Variants in WNT7B observed in about 807,000 individuals in gnomAD.
WNT7B encodes the protein Wnt family member 7B.
A neutral mutation model predicts 38.2 loss-of-function variants in WNT7B; 19 were observed. The ratio of observed to expected loss-of-function variants is 0.50; its 90% CI spans 0.35 to 0.73. The LOEUF is 0.73. WNT7B is among the 30% of genes least tolerant of loss of function. The pLI is 0.01. For synonymous variants in WNT7B, 243 were observed against 209.3 expected (o/e 1.16, Z -1.39); for missense variants, 423 against 507.9 (o/e 0.83, Z 1.61).
At chr22:45,931,528 G>A (rs1174953967) in intron 2 of WNT7B, among the ~76,000 whole-genome samples, 159 bp from the exon 3 acceptor site, 1 of 152,204 alleles carries the variant, frequency 6.6e-6, no homozygotes, top group Non-Finnish European at 1.5e-5. Flanking sequence ...CCAAAGCGGG[G>A]CTGATGGGAG....
chr22:45,967,617 G>A (rs1932341128), intron 1 of WNT7B, among the ~76,000 whole-genome samples: 2 of 151,896 alleles, frequency 1.3e-5, no homozygotes, highest in African/African-American at 4.8e-5. Context: ...TCCGAGAACA[G>A]AGCCTTGGTC....
rs1247522954 is a variant in WNT7B at position 45,923,055 on chromosome 22, G to A, written c.851C>T (p.Thr284Met). Residue 284 changes from threonine to methionine, a missense_variant, in exon 4 of 4, where the codon ACG becomes ATG. This residue lies in a region of WNT7B where 158 missense variants were observed against 214.7 expected (regional missense o/e 0.74). Transcript: ENST00000339464. ...ACGGCCCTGCGTGCCCACGCTGCCC[G>A]TGGCCGCGTCCTCCTCGCAGTAGTT... ...SPNYCEEDAA[T>M]GSVGTQGRLC... 5 of 1,612,872 alleles carry A rather than the reference G, an allele frequency of 3.1e-6. No homozygotes were observed. Among genetic ancestry groups the A allele is most frequent in the South Asian group, 1.1e-5 (1 of 91,070 alleles).
intron 1 of WNT7B, among the ~76,000 whole-genome samples, chr22:45,956,328 G>A (rs1932060352): frequency 6.6e-6 from 1 of 152,224 alleles, no homozygotes; most frequent in Admixed American, 6.5e-5. Context: ...TGCAGTGACA[G>A]CCCTCATTAT....
chr22:45,937,105 G>GGGAA (rs1427971048), intron 2 of WNT7B, among the ~76,000 whole-genome samples: 1 of 152,208 alleles, frequency 6.6e-6, no homozygotes, highest in Non-Finnish European at 1.5e-5. Flanking sequence ...CCTCAGTGCT[G>GGGAA]GGAAGGCCCT....
In WNT7B at chr22:45,975,544, C is replaced by A; in HGVS notation, c.71+1140G>T. 1 of 716,994 alleles carries A rather than the reference C, an allele frequency of 1.4e-6. No homozygotes were observed. Among genetic ancestry groups the A allele is most frequent in the South Asian group, 1.5e-5 (1 of 67,534 alleles). The allele number at this position is 716,994 out of a possible 1,614,324, so 44.4% of individuals were successfully genotyped here. A position where few individuals can be genotyped will look rare whatever the true frequency, so the allele number is the denominator to read the frequency against. On this transcript the variant is annotated intron_variant, in intron 1 of 3. Coordinates refer to ENST00000339464, the MANE Select transcript of WNT7B (RefSeq NM_058238.3). The surrounding 1 kb of genome is among the most constrained non-coding windows in gnomAD (Gnocchi z 6.6). ...CAGGCCTTGGGCCTCAGTTTCTCCA[C>A]CTGTAAAATGGCGGGGCAGACATGG...
At position 45,951,181 on chromosome 22, in the gene WNT7B, C is replaced by T. The variant is rs1931924617; in HGVS notation, c.72-1035G>A. ...CAACCTCCACATTCCGGGTTCAAGC[C>T]ATCCTTTTGCCTTAGCCTCCCGAGT... On this transcript the variant is annotated intron_variant, in intron 1 of 3. Coordinates refer to ENST00000339464, the MANE Select transcript of WNT7B (RefSeq NM_058238.3). The surrounding 1 kb of genome is among the most constrained non-coding windows in gnomAD (Gnocchi z 4.8). Among the ~76,000 whole-genome samples, 1 of 152,164 alleles carries T rather than the reference C, an allele frequency of 6.6e-6. No homozygotes were observed.
intron 3 of WNT7B, chr22:45,926,604 C>T (rs1205435230): frequency 3.0e-6 from 3 of 985,276 alleles, no homozygotes; most frequent in Non-Finnish European, 3.6e-6. Flanking sequence ...ACAGAAGGCA[C>T]CTCACCCTGG....
intron 1 of WNT7B, among the ~76,000 whole-genome samples, chr22:45,971,365 G>C (rs945868426): frequency 6.6e-6 from 1 of 152,218 alleles, no homozygotes; most frequent in Non-Finnish European, 1.5e-5. Context: ...TCAGAGGCCA[G>C]AGCATATGCG....
intron 3 of WNT7B, among the ~76,000 whole-genome samples, chr22:45,930,200 G>A (rs1459226111): frequency 1.3e-5 from 2 of 152,232 alleles, no homozygotes; most frequent in Non-Finnish European, 2.9e-5. Context: ...CACAGCCAGG[G>A]CCCTGATTCC....
chr22:45,926,105 C>T (rs375046373), intron 3 of WNT7B: 62 of 985,328 alleles, frequency 6.3e-5, no homozygotes, highest in Admixed American at 6.1e-5. Context: ...CCTACTGGGC[C>T]GCTGCTTGCA....
rs34329899 is a variant in WNT7B, at chr22:45,957,104, CA to C, written c.72-6959del. ...CTGGTGACAGAGCGAGACTCTGTCT[CA>C]AAAAAAAAAAAAAAAAAAAATCCCC... On this transcript the variant is annotated intron_variant, in intron 1 of 3. Coordinates refer to ENST00000339464, the MANE Select transcript of WNT7B (RefSeq NM_058238.3). Among the ~76,000 whole-genome samples the C allele has an allele frequency of 5.7e-3, 459 of 80,684 alleles. 2 individuals carry two copies. The highest frequency in any genetic ancestry group is 0.014 in the African/African-American group (327 of 22,976). The allele number at this position is 80,684 out of a possible 152,430, so 52.9% of individuals were successfully genotyped here. A position where few individuals can be genotyped will look rare whatever the true frequency, so the allele number is the denominator to read the frequency against.
At chr22:45,970,100 C>T (rs1396691702) in intron 1 of WNT7B, among the ~76,000 whole-genome samples, 1 of 152,202 alleles carries the variant, frequency 6.6e-6, no homozygotes, top group African/African-American at 2.4e-5. Flanking sequence ...ACAAACCGGG[C>T]AAGGGAAATC....
intron 1 of WNT7B, among the ~76,000 whole-genome samples, chr22:45,963,841 G>A (rs1413106284): frequency 6.6e-6 from 1 of 152,126 alleles, no homozygotes; most frequent in African/African-American, 2.4e-5. Context: ...CCAAAGCAGG[G>A]GACTCCCGCA....
Position 45,965,729 on chromosome 22 carries a change from A to G in WNT7B, c.71+10955T>C, listed in dbSNP as rs2146749518. Among the ~76,000 whole-genome samples the G allele has an allele frequency of 6.6e-6, 1 of 152,328 alleles. No homozygotes were observed. Among genetic ancestry groups the G allele is most frequent in the South Asian group, 2.1e-4 (1 of 4,832 alleles). The stretch of plus-strand genomic sequence containing the variant: ...AGGCCTCTGGGCTTCCCATACCCGC[A>G]GGACAGCTGCACCTCTGGTCCCAAA... On this transcript the variant is annotated intron_variant, in intron 1 of 3. Transcript: ENST00000339464. The surrounding 1 kb of genome is among the most constrained non-coding windows in gnomAD (Gnocchi z 6.5).
chr22:45,946,498 C>G (rs972639895), intron 2 of WNT7B, among the ~76,000 whole-genome samples: 2 of 152,208 alleles, frequency 1.3e-5, no homozygotes, highest in African/African-American at 4.8e-5. Flanking sequence ...CCCACCGTGG[C>G]AGAACACTGC....
rs192284730 is a variant in WNT7B, at chr22:45,963,325, C to T, written c.72-13179G>A. On this transcript the variant is annotated intron_variant, in intron 1 of 3. Coordinates refer to ENST00000339464, the MANE Select transcript of WNT7B (RefSeq NM_058238.3). Reference sequence around the variant, plus strand: ...CCTCCAAGAATTCCTAGGCCGCCACCGCCTCCTAGCCAACTGCTCAGCTTG... The same window carrying T: ...CCTCCAAGAATTCCTAGGCCGCCACTGCCTCCTAGCCAACTGCTCAGCTTG... Among the ~76,000 whole-genome samples the T allele has an allele frequency of 5.3e-5, 8 of 152,294 alleles. No individual in the cohort carries two copies. In the South Asian group the frequency reaches 6.2e-4, roughly 12 times the overall value.
At chr22:45,929,900 CTAT>C (rs1176607917) in intron 3 of WNT7B, among the ~76,000 whole-genome samples, 1 of 149,868 alleles carries the variant, frequency 6.7e-6, no homozygotes, top group Non-Finnish European at 1.5e-5. Flanking sequence ...ATCCACTCAT[CTAT>C]CTACCCATCC....
chr22:45,955,229 G>T (rs78627660), intron 1 of WNT7B, among the ~76,000 whole-genome samples: 1 of 152,242 alleles, frequency 6.6e-6, no homozygotes, highest in Non-Finnish European at 1.5e-5. Flanking sequence ...GCCTGGCCCT[G>T]CCACACCCCA....
At chr22:45,937,421 G>A (rs1931539822) in intron 2 of WNT7B, among the ~76,000 whole-genome samples, 1 of 152,222 alleles carries the variant, frequency 6.6e-6, no homozygotes, top group South Asian at 2.1e-4. Flanking sequence ...CCTGCAAAAT[G>A]AGAGAATTGC....
Sources: allele counts gnomAD v4.1 joint callset (sites outside exome capture counted in the v4.1 genomes callset), GRCh38; gene constraint gnomAD v4.1.1; regional missense constraint gnomAD v4.1.1; non-coding constraint Gnocchi (gnomAD v3.1); transcripts MANE v1.5; gene names NCBI Gene and HGNC (gene_info 2026-07-23, HGNC 2026-07-21).